The following TTC13 variants were observed in gnomAD, a reference collection of about 807,000 sequenced individuals.
TTC13 encodes the protein tetratricopeptide repeat domain 13.
TTC13 carries 62 observed loss-of-function variants against 120.0 expected under a neutral mutation model. The ratio of observed to expected loss-of-function variants is 0.52; its 90% CI spans 0.42 to 0.64. The LOEUF is 0.64. TTC13 is among the 30% of genes least tolerant of loss of function. The pLI, the probability that TTC13 is intolerant of heterozygous loss-of-function variation, is 0.00. For synonymous variants in TTC13, 384 were observed against 393.5 expected (o/e 0.98, Z 0.28); for missense variants, 824 against 1,050.2 (o/e 0.78, Z 2.98).
At chr1:230,972,168 G>A (rs1329680149) in intron 1 of TTC13, among the ~76,000 whole-genome samples, 3 of 152,212 alleles carry the variant, frequency 2.0e-5, no homozygotes, top group Non-Finnish European at 4.4e-5. Flanking sequence ...CATGTGCAGT[G>A]TAAGTCCACT....
At chr1:230,912,138 C>T (rs546127572) in intron 19 of TTC13, among the ~76,000 whole-genome samples, 1 of 152,224 alleles carries the variant, frequency 6.6e-6, no homozygotes, top group South Asian at 2.1e-4. Flanking sequence ...GACTCCACCT[C>T]GAGTCCAAGC....
intron 18 of TTC13, among the ~76,000 whole-genome samples, chr1:230,915,658 C>T (rs1177102612): frequency 6.6e-6 from 1 of 152,042 alleles, no homozygotes; most frequent in Non-Finnish European, 1.5e-5. Flanking sequence ...AATAGTAGAA[C>T]AGTCTAACCT....
At chr1:230,941,696 G>C (rs1439834441) in intron 6 of TTC13, among the ~76,000 whole-genome samples, 2 of 152,138 alleles carry the variant, frequency 1.3e-5, no homozygotes, top group East Asian at 3.9e-4. Context: ...GATTCAGGCA[G>C]GCCTATCACC....
At chr1:230,965,068 C>G (rs555621657) in intron 1 of TTC13, among the ~76,000 whole-genome samples, 1 of 152,246 alleles carries the variant, frequency 6.6e-6, no homozygotes, top group East Asian at 1.9e-4. Flanking sequence ...TTCATCTGGG[C>G]AAAGATCTCT....
At chr1:230,957,530 G>A (rs1029364286) in intron 3 of TTC13, among the ~76,000 whole-genome samples, 4 of 152,198 alleles carry the variant, frequency 2.6e-5, no homozygotes, top group Non-Finnish European at 2.9e-5. Context: ...AAATTAGATA[G>A]AGAAGAATTC....
chr1:230,955,632 C>G (rs932867258), intron 3 of TTC13, among the ~76,000 whole-genome samples: 5 of 145,420 alleles, frequency 3.4e-5, no homozygotes, highest in African/African-American at 1.3e-4. Context: ...GATGGCGCCA[C>G]TGCACTCCAG....
intron 4 of TTC13, among the ~76,000 whole-genome samples, chr1:230,945,868 A>G (rs1405372222): frequency 6.6e-6 from 1 of 152,220 alleles, no homozygotes; most frequent in African/African-American, 2.4e-5. Context: ...TTTCTTTCAT[A>G]TATCCATGAA....
chr1:230,918,394 C>A (rs1190287416), intron 17 of TTC13, among the ~76,000 whole-genome samples: 1 of 152,178 alleles, frequency 6.6e-6, no homozygotes, highest in African/African-American at 2.4e-5. Context: ...GTGTGAAGCA[C>A]TGGCTACTGC....
rs1242980766 is a variant in TTC13 at position 230,978,694 on chromosome 1, G to T, written c.137C>A (p.Thr46Asn). The T allele has an allele frequency of 6.7e-6, 10 of 1,495,118 alleles. No homozygotes were observed. In the East Asian group the frequency reaches 2.2e-4, roughly 33 times the overall value. 92.6% of individuals were successfully genotyped at this position (1,495,118 alleles called of 1,614,324 possible). ...SAGLRPGALA[T>N]EHYSPLSLLK... ...CAGGGAGAGCGGCGAGTAGTGCTCG[G>T]TGGCCAGGGCGCCTGGCCGCAGCCC... Residue 46 changes from threonine to asparagine, a missense_variant, in exon 1 of 23, where the codon ACC becomes AAC. Physicochemically the swap from Thr to Asn is moderately conservative, Grantham distance 65. Coordinates refer to ENST00000366661, the MANE Select transcript of TTC13 (RefSeq NM_024525.5). The surrounding 1 kb of genome is among the most constrained non-coding windows in gnomAD (Gnocchi z 5.6).
At chr1:230,937,819 G>A (rs1394784802) in intron 8 of TTC13, among the ~76,000 whole-genome samples, 2 of 152,080 alleles carry the variant, frequency 1.3e-5, no homozygotes, top group Admixed American at 6.5e-5. Flanking sequence ...GAATCCTCAC[G>A]ATCACTCCAA....
At chr1:230,949,020 T>A (rs1675278140) in intron 4 of TTC13, among the ~76,000 whole-genome samples, 1 of 152,128 alleles carries the variant, frequency 6.6e-6, no homozygotes, top group South Asian at 2.1e-4. Flanking sequence ...ATTCCCACTG[T>A]TCACTGTATG....
intron 4 of TTC13, among the ~76,000 whole-genome samples, chr1:230,948,833 C>A (rs908359437): frequency 1.3e-5 from 2 of 152,082 alleles, no homozygotes; most frequent in African/African-American, 4.8e-5. Context: ...TAATTCCCTA[C>A]ATACAAGATG....
intron 1 of TTC13, among the ~76,000 whole-genome samples, chr1:230,976,273 G>C (rs1375919098): frequency 1.3e-5 from 2 of 152,132 alleles, no homozygotes; most frequent in African/African-American, 4.8e-5. Flanking sequence ...GCTCAAATGG[G>C]TCTCCGGATA....
chr1:230,918,590 C>T (rs533718441), intron 17 of TTC13, among the ~76,000 whole-genome samples: 1 of 152,290 alleles, frequency 6.6e-6, no homozygotes, highest in Admixed American at 6.5e-5. Context: ...AACATGTTTA[C>T]TGAGTCAACG....
chr1:230,936,689 T>TATATGCAATACTAAATATGCAATACG, intron 8 of TTC13: 1 of 109,848 alleles, frequency 9.1e-6, no homozygotes, highest in Non-Finnish European at 2.0e-5. Flanking sequence ...CATCATATAG[T>TATATGCAATACTAAATATGCAATACG]AAATAAGCAA....
chr1:230,959,299 A>G (rs2102958265), intron 2 of TTC13, among the ~76,000 whole-genome samples: 1 of 152,348 alleles, frequency 6.6e-6, no homozygotes, highest in South Asian at 2.1e-4. Flanking sequence ...CAACCTCAAG[A>G]GTACACTGAA....
intron 16 of TTC13, 97 bp from the exon 17 acceptor site, chr1:230,920,691 T>TTTA: frequency 4.3e-6 from 3 of 703,452 alleles, no homozygotes; most frequent in South Asian, 2.6e-5. Context: ...TTGACCTCAA[T>TTTA]TTTGAGTAGC....
intron 2 of TTC13, among the ~76,000 whole-genome samples, chr1:230,959,058 A>C (rs1025948559): frequency 6.6e-6 from 1 of 152,248 alleles, no homozygotes; most frequent in African/African-American, 2.4e-5. Flanking sequence ...ACATATATGT[A>C]TATAAAATCA....
At chr1:230,911,261 T>G in intron 20 of TTC13, 1 of 376,786 alleles carries the variant, frequency 2.7e-6, no homozygotes, top group Non-Finnish European at 4.8e-6. Flanking sequence ...CTATTAAACG[T>G]AAGCACACTA....
Sources: gnomAD v4.1 joint callset for allele counts (sites outside exome capture counted in the v4.1 genomes callset) on GRCh38, gnomAD v4.1.1 for gene constraint, Gnocchi (gnomAD v3.1) non-coding constraint, MANE v1.5 for transcripts, NCBI Gene and HGNC (gene_info 2026-07-23, HGNC 2026-07-21) for gene names.